FRMD5: variants seen among roughly 807,000 people sequenced by gnomAD.
FRMD5 encodes the protein FERM domain-containing protein 5.
Under a neutral mutation model 69.0 loss-of-function variants are expected in FRMD5, and 20 were observed. That is an observed-to-expected ratio of 0.29 (90% CI 0.20 to 0.42). The LOEUF is 0.42. FRMD5 is among the 10% of genes least tolerant of loss of function. The pLI is 1.00. For synonymous variants in FRMD5, 271 were observed against 260.1 expected (o/e 1.04, Z -0.40); for missense variants, 595 against 708.6 (o/e 0.84, Z 1.82).
chr15:43,906,118 G>A (rs1450662261), intron 5 of FRMD5, among the ~76,000 whole-genome samples, 167 bp from the exon 6 acceptor site: 2 of 152,234 alleles, frequency 1.3e-5, no homozygotes, highest in Non-Finnish European at 2.9e-5. Context: ...AGGCCCTTCA[G>A]GAGCATGTCC....
Position 44,137,690 on chromosome 15 carries a change from T to C in FRMD5, c.102+57263A>G, listed in dbSNP as rs143076690. Among the ~76,000 whole-genome samples, 24 of 152,240 alleles carry C rather than the reference T, an allele frequency of 1.6e-4. No homozygotes were observed. In the East Asian group the frequency reaches 4.6e-3, roughly 29 times the overall value. The stretch of plus-strand genomic sequence containing the variant: ...AAATTATATGATTATATGATAGTAA[T>C]TATTTAGAATAAATATTTCCAAGGA... On this transcript the variant is annotated intron_variant, in intron 1 of 13. Coordinates refer to ENST00000417257, the MANE Select transcript of FRMD5 (RefSeq NM_032892.5).
intron 1 of FRMD5, among the ~76,000 whole-genome samples, chr15:44,160,825 T>G (rs1373402173): frequency 6.6e-6 from 1 of 152,220 alleles, no homozygotes; most frequent in African/African-American, 2.4e-5. Flanking sequence ...AAAATTCCCT[T>G]TAGATTTTTG....
chr15:43,916,740 C>T (rs1456178753), intron 4 of FRMD5, among the ~76,000 whole-genome samples: 1 of 151,866 alleles, frequency 6.6e-6, no homozygotes, highest in Non-Finnish European at 1.5e-5. Flanking sequence ...AAGGTCTGTC[C>T]ATTCATGTAA....
At chr15:43,914,580 T>G (rs1012421027) in intron 4 of FRMD5, among the ~76,000 whole-genome samples, 1 of 152,014 alleles carries the variant, frequency 6.6e-6, no homozygotes, top group African/African-American at 2.4e-5. Flanking sequence ...CAACCTGGAG[T>G]CCTGTTAATG....
chr15:43,958,037 A>AT (rs2090141673), intron 1 of FRMD5, among the ~76,000 whole-genome samples: 5 of 152,090 alleles, frequency 3.3e-5, no homozygotes, highest in Admixed American at 2.0e-4. Context: ...GTAACCTATT[A>AT]TTTTTTTGAA....
chr15:44,105,722 A>G (rs75083766), intron 1 of FRMD5, among the ~76,000 whole-genome samples: 2 of 152,098 alleles, frequency 1.3e-5, no homozygotes, highest in Non-Finnish European at 2.9e-5. Context: ...TTAGTTCTCA[A>G]CTTAGTCTTT....
At chr15:43,921,216 G>A (rs1157901267) in intron 2 of FRMD5, among the ~76,000 whole-genome samples, 1 of 152,208 alleles carries the variant, frequency 6.6e-6, no homozygotes, top group Non-Finnish European at 1.5e-5. Context: ...AGGCCTATCT[G>A]TTCAGAGCAC....
At chr15:44,065,919 G>A (rs1167527374) in intron 1 of FRMD5, among the ~76,000 whole-genome samples, 1 of 152,084 alleles carries the variant, frequency 6.6e-6, no homozygotes, top group Non-Finnish European at 1.5e-5. Flanking sequence ...CAGATAAGGT[G>A]ACTTTATATC....
chr15:44,039,515 T>C (rs142880113), intron 1 of FRMD5, among the ~76,000 whole-genome samples: 1,738 of 152,258 alleles, frequency 0.011, 43 homozygotes, highest in East Asian at 0.1. Context: ...CCTCCACTGG[T>C]AATACTCAGG....
intron 1 of FRMD5, among the ~76,000 whole-genome samples, chr15:44,092,306 T>C (rs980933152): frequency 3.3e-5 from 5 of 152,164 alleles, no homozygotes; most frequent in African/African-American, 7.2e-5. Context: ...CAAGCTACCA[T>C]ATTCACCTCC....
At chr15:43,928,196 C>T (rs746851117) in intron 1 of FRMD5, among the ~76,000 whole-genome samples, 6 of 152,194 alleles carry the variant, frequency 3.9e-5, no homozygotes, top group Non-Finnish European at 7.3e-5. Context: ...CCTCAAGTTC[C>T]CATTTACCAG....
At chr15:43,928,686 T>C (rs1035648561) in intron 1 of FRMD5, among the ~76,000 whole-genome samples, 1 of 152,252 alleles carries the variant, frequency 6.6e-6, no homozygotes, top group Non-Finnish European at 1.5e-5. Context: ...TGACAGTCAG[T>C]CTTTTCTTTT....
At chr15:43,987,653 G>A (rs1027521211) in intron 1 of FRMD5, among the ~76,000 whole-genome samples, 3 of 152,036 alleles carry the variant, frequency 2.0e-5, no homozygotes, top group Non-Finnish European at 2.9e-5. Context: ...GGGTTCAAGT[G>A]ATTCTCCTGC....
intron 10 of FRMD5, among the ~76,000 whole-genome samples, chr15:43,886,965 G>A (rs1217344022): frequency 6.6e-6 from 1 of 152,060 alleles, no homozygotes; most frequent in Non-Finnish European, 1.5e-5. Flanking sequence ...AGGGCTGGGT[G>A]GGTAGGGAGA....
chr15:44,195,298 C>A, upstream of FRMD5: 2 of 494,144 alleles, frequency 4.0e-6, no homozygotes, highest in South Asian at 5.2e-5. Context: ...AGTGCCCGTG[C>A]CCAGCTCGCG....
intron 10 of FRMD5, among the ~76,000 whole-genome samples, chr15:43,886,928 A>T (rs959444841): frequency 2.0e-5 from 3 of 151,936 alleles, no homozygotes; most frequent in African/African-American, 7.3e-5. Context: ...CTGAAAAATG[A>T]CCTCCATTTC....
intron 1 of FRMD5, among the ~76,000 whole-genome samples, chr15:44,000,146 G>T (rs1018301621): frequency 4.6e-5 from 7 of 151,460 alleles, no homozygotes; most frequent in African/African-American, 1.7e-4. Context: ...CATGCACCAT[G>T]CCCAGCTATT....
chr15:43,980,972 A>T (rs2090539293), intron 1 of FRMD5, among the ~76,000 whole-genome samples: 2 of 152,170 alleles, frequency 1.3e-5, no homozygotes, highest in Admixed American at 1.3e-4. Flanking sequence ...GTGGACCAGA[A>T]GGCTTACTGA....
intron 6 of FRMD5, among the ~76,000 whole-genome samples, chr15:43,904,091 G>T (rs923759011): frequency 6.6e-6 from 1 of 152,112 alleles, no homozygotes; most frequent in Non-Finnish European, 1.5e-5. Context: ...CCGCTGGGAG[G>T]GTCAGGAACC....
Sources: gnomAD v4.1 joint callset for allele counts (sites outside exome capture counted in the v4.1 genomes callset) on GRCh38, gnomAD v4.1.1 for gene constraint, MANE v1.5 for transcripts, NCBI Gene and HGNC (gene_info 2026-07-23, HGNC 2026-07-21) for gene names.